KLF12: variants seen among roughly 807,000 people sequenced by gnomAD.
KLF12 encodes KLF transcription factor 12, also known as Krueppel-like factor 12.
Under a neutral mutation model 37.8 loss-of-function variants are expected in KLF12, and 9 were observed. The ratio of observed to expected loss-of-function variants is 0.24; its 90% CI spans 0.14 to 0.42. KLF12 has a LOEUF of 0.42. KLF12 is among the 10% of genes least tolerant of loss of function. The pLI is 1.00. For missense variants in KLF12, 411 were observed against 516.0 expected (o/e 0.80, Z 1.97); for synonymous variants, 208 against 202.1 (o/e 1.03, Z -0.25).
At chr13:74,294,051 C>T in the KLF12 span, among the ~76,000 whole-genome samples, 1 of 152,156 alleles carries the variant, frequency 6.6e-6, no homozygotes, top group Admixed American at 6.5e-5. Flanking sequence ...GTCAAAGGGA[C>T]CTTATTAAAA....
At chr13:73,913,533 C>G (rs9530259) in intron 3 of KLF12, among the ~76,000 whole-genome samples, 68,761 of 151,860 alleles carry the variant, frequency 0.45, 16,253 homozygotes, top group Non-Finnish European at 0.53. Flanking sequence ...TCCTTCCTAC[C>G]AATACAATGA....
chr13:73,770,364 G>A (rs1240137973), intron 5 of KLF12, among the ~76,000 whole-genome samples: 1 of 151,914 alleles, frequency 6.6e-6, no homozygotes, highest in Non-Finnish European at 1.5e-5. Flanking sequence ...TTATTCTCAG[G>A]TTTTCCTCAG....
chr13:74,130,739 A>G (rs752277843), intron 1 of KLF12, among the ~76,000 whole-genome samples: 1 of 152,218 alleles, frequency 6.6e-6, no homozygotes, highest in Non-Finnish European at 1.5e-5. Flanking sequence ...CATGTTCATT[A>G]ATCAGCATGC....
Position 73,874,269 on chromosome 13 carries a change from A to G in KLF12, c.124-27896T>C, listed in dbSNP as rs181600417. 5.9e-3 allele frequency among the ~76,000 whole-genome samples: 899 copies of G among 152,350 alleles called. 8 individuals carry two copies. The highest frequency in any genetic ancestry group is 6.0e-3 in the Non-Finnish European group (408 of 68,026). Reference sequence around the variant, plus strand: ...TTTTATGGAGAAAATAGACAGTTCTACATAGGTAAATCATTTGCATTATCA... The same window carrying G: ...TTTTATGGAGAAAATAGACAGTTCTGCATAGGTAAATCATTTGCATTATCA... On this transcript the variant is annotated intron_variant, in intron 3 of 7. Coordinates refer to ENST00000377669, the MANE Select transcript of KLF12 (RefSeq NM_007249.5).
At chr13:74,059,861 CAA>C (rs1364702899) in intron 1 of KLF12, among the ~76,000 whole-genome samples, 1 of 152,092 alleles carries the variant, frequency 6.6e-6, no homozygotes, top group Non-Finnish European at 1.5e-5. Flanking sequence ...GGCCAATATC[CAA>C]AAGAGTTTTA....
chr13:74,172,636 G>C, the KLF12 span, among the ~76,000 whole-genome samples: 5 of 152,230 alleles, frequency 3.3e-5, no homozygotes. Flanking sequence ...GAGTCTTTTT[G>C]ATGAGTAGTG....
intron 1 of KLF12, among the ~76,000 whole-genome samples, chr13:74,001,387 C>T (rs1892277453): frequency 6.6e-6 from 1 of 152,136 alleles, no homozygotes; most frequent in Non-Finnish European, 1.5e-5. Context: ...ATATTTGGTA[C>T]CAATTACAAA....
chr13:74,111,349 G>A (rs1405017200), intron 1 of KLF12, among the ~76,000 whole-genome samples: 1 of 151,958 alleles, frequency 6.6e-6, no homozygotes, highest in Non-Finnish European at 1.5e-5. Context: ...TAATATTCTT[G>A]TCATTTAAGG....
chr13:73,726,569 A>G (rs1184244633), intron 6 of KLF12, among the ~76,000 whole-genome samples: 1 of 152,246 alleles, frequency 6.6e-6, no homozygotes, highest in Non-Finnish European at 1.5e-5. Context: ...CTGAGCATAA[A>G]GTCATCAGGG....
chr13:74,254,757 C>T, the KLF12 span, among the ~76,000 whole-genome samples: 1 of 152,212 alleles, frequency 6.6e-6, no homozygotes, highest in African/African-American at 2.4e-5. Context: ...CACACCATCA[C>T]ATGCCATGGT....
the KLF12 span, among the ~76,000 whole-genome samples, chr13:74,246,152 A>T: frequency 2.6e-5 from 4 of 152,216 alleles, no homozygotes; most frequent in Non-Finnish European, 5.9e-5. Flanking sequence ...CAGAATAGAC[A>T]GTCAACAATT....
the KLF12 span, among the ~76,000 whole-genome samples, chr13:74,295,329 C>T: frequency 7.2e-5 from 11 of 152,266 alleles, no homozygotes; most frequent in African/African-American, 2.4e-4. Context: ...CCACACATAA[C>T]GCATTCTCCA....
chr13:73,726,224 A>G (rs1876658172), intron 6 of KLF12, among the ~76,000 whole-genome samples: 1 of 152,182 alleles, frequency 6.6e-6, no homozygotes, highest in Non-Finnish European at 1.5e-5. Context: ...GGTAAAGCTG[A>G]CCCAATGTCC....
At chr13:73,950,620 G>C (rs903406560) in intron 2 of KLF12, among the ~76,000 whole-genome samples, 2 of 152,136 alleles carry the variant, frequency 1.3e-5, no homozygotes, top group African/African-American at 4.8e-5. Flanking sequence ...ATGGATAAGA[G>C]GAGTGTTCAG....
At chr13:74,018,697 G>C (rs903769296) in intron 1 of KLF12, among the ~76,000 whole-genome samples, 1 of 152,018 alleles carries the variant, frequency 6.6e-6, no homozygotes, top group African/African-American at 2.4e-5. Flanking sequence ...ATTCACTAAG[G>C]GGGTGCTCAC....
chr13:73,754,018 G>T (rs895417521), intron 6 of KLF12, among the ~76,000 whole-genome samples: 3 of 152,164 alleles, frequency 2.0e-5, no homozygotes, highest in African/African-American at 7.2e-5. Context: ...GAGAGAGGCA[G>T]ACATGGAAAC....
At chr13:73,844,222 G>A (rs752804739) in intron 4 of KLF12, among the ~76,000 whole-genome samples, 1 of 151,950 alleles carries the variant, frequency 6.6e-6, no homozygotes, top group Non-Finnish European at 1.5e-5. Context: ...TGTTAATTTC[G>A]AATTCTTAAA....
At chr13:73,860,371 T>C (rs926685645) in intron 3 of KLF12, among the ~76,000 whole-genome samples, 3 of 152,166 alleles carry the variant, frequency 2.0e-5, no homozygotes, top group Non-Finnish European at 4.4e-5. Context: ...CAGTACAAAG[T>C]AAGCACTTAA....
chr13:74,057,434 T>G (rs545623961), intron 1 of KLF12, among the ~76,000 whole-genome samples: 1 of 152,188 alleles, frequency 6.6e-6, no homozygotes, highest in Non-Finnish European at 1.5e-5. Context: ...GGTTACAGCA[T>G]GTACTACACT....
Sources: gnomAD v4.1 joint callset for allele counts (sites outside exome capture counted in the v4.1 genomes callset) on GRCh38, gnomAD v4.1.1 for gene constraint, MANE v1.5 for transcripts, NCBI Gene and HGNC (gene_info 2026-07-23, HGNC 2026-07-21) for gene names.